The following WBP11 variants were observed in gnomAD, a reference collection of about 807,000 sequenced individuals.
The protein encoded by WBP11 is WW domain binding protein 11.
In WBP11, 12 loss-of-function variants were observed where a neutral mutation model predicts 66.7. That is an observed-to-expected ratio of 0.18 (90% CI 0.12 to 0.29). WBP11 has a LOEUF of 0.29. Ranked by LOEUF, WBP11 falls within the 10% of genes least tolerant of loss-of-function variation. The pLI is 1.00. For synonymous variants in WBP11, 255 were observed against 273.8 expected, an observed-to-expected ratio of 0.93 and a Z score of 0.68; for missense variants, 555 against 818.3, an observed-to-expected ratio of 0.68 and a Z score of 3.93.
rs1949756487 is a variant in WBP11, at chr12:14,786,549, CAAAT to C, written c.*512_*515del. On this transcript the variant is annotated 3_prime_UTR_variant, in exon 12 of 12. Coordinates refer to ENST00000261167, the MANE Select transcript of WBP11 (RefSeq NM_016312.3). ...TAGGTCAGTGGGAAATAATTTTAAT[CAAAT>C]AATTGTACATATTCTTCCCACATAT... is the stretch of plus-strand genomic sequence containing the variant. The C allele has an allele frequency of 1.3e-5, 2 of 152,434 alleles. No homozygotes were observed. Among genetic ancestry groups the C allele is most frequent in the South Asian group, 4.1e-4 (2 of 4,838 alleles). The allele number at this position is 152,434 out of a possible 1,614,324, so 9.4% of individuals were successfully genotyped here. A position where few individuals can be genotyped will look rare whatever the true frequency, so the allele number is the denominator to read the frequency against.
rs1421380018 is a variant in WBP11, at chr12:14,796,606, T to A, written c.387+201A>T. On this transcript the variant is annotated intron_variant, in intron 5 of 11. Coordinates refer to ENST00000261167, the MANE Select transcript of WBP11 (RefSeq NM_016312.3). This position sits in a 1 kb window ranked among gnomAD's most constrained non-coding sequence, Gnocchi z 4.5. Reference sequence around the variant, plus strand: ...TTTATAAAATTATCTTCAGGCTATGTGTATATGAAACATAAATTTCATGCT... The same window carrying A: ...TTTATAAAATTATCTTCAGGCTATGAGTATATGAAACATAAATTTCATGCT... Among the ~76,000 whole-genome samples the A allele has an allele frequency of 6.6e-6, 1 of 152,224 alleles. No homozygotes were observed. The highest frequency in any genetic ancestry group is 1.5e-5 in the Non-Finnish European group (1 of 68,042).
Position 14,789,201 on chromosome 12 carries a change from G to C in WBP11, c.1310-68C>G, listed in dbSNP as rs1332084346. 3 of 1,388,950 alleles carry C rather than the reference G, an allele frequency of 2.2e-6. No homozygotes were observed. In the East Asian group the frequency reaches 8.4e-5, roughly 39 times the overall value. The allele number at this position is 1,388,950 out of a possible 1,614,324, so 86.0% of individuals were successfully genotyped here. Reference sequence around the variant, plus strand: ...ACTAAGTAATAATTATGGCTTAAAAGTAACTCAAATATGGTTTGACTTTAA... The same window carrying C: ...ACTAAGTAATAATTATGGCTTAAAACTAACTCAAATATGGTTTGACTTTAA... On this transcript the variant is annotated intron_variant, in intron 10 of 11. Coordinates refer to ENST00000261167, the MANE Select transcript of WBP11 (RefSeq NM_016312.3).
rs753291613 is a variant in WBP11, at chr12:14,794,725, C to T, written c.533G>A (p.Arg178Gln). ...AAGAAGAGGAAGGATAGAAACTGCCCGAGTTGGAGGTCTGTTAAAAAAAAA... is the reference window on the plus strand; with the variant it reads ...AAGAAGAGGAAGGATAGAAACTGCCTGAGTTGGAGGTCTGTTAAAAAAAAA... ...KKTSAYGPPT[R>Q]AVSILPLLGH... The change falls in exon 7 of 12, where the codon CGG becomes CAG. Residue 178 changes from arginine to glutamine, a missense_variant. By Grantham distance (43) the Arg-to-Gln change is conservative. This residue lies in a region of WBP11 where 220 missense variants were observed against 268.2 expected (regional missense o/e 0.82). Coordinates refer to ENST00000261167, the MANE Select transcript of WBP11 (RefSeq NM_016312.3). 16 of 1,554,768 alleles carry T rather than the reference C, an allele frequency of 1.0e-5. No individual in the cohort carries two copies. The highest frequency in any genetic ancestry group is 1.4e-5 in the Non-Finnish European group (16 of 1,157,250).
intron 4 of WBP11, among the ~76,000 whole-genome samples, chr12:14,797,912 G>A (rs1235630540): frequency 6.6e-6 from 1 of 152,180 alleles, no homozygotes. Flanking sequence ...CAGATGGACA[G>A]TACTGATGAT....
At chr12:14,793,097 C>T (rs1949840751) in intron 8 of WBP11, among the ~76,000 whole-genome samples, 2 of 152,198 alleles carry the variant, frequency 1.3e-5, no homozygotes, top group Admixed American at 1.3e-4. Flanking sequence ...ATTAATATTA[C>T]ATAGTATTAT....
In WBP11 at chr12:14,787,145, C is replaced by T; in HGVS notation, c.1846G>A (p.Gly616Ser). The T allele has an allele frequency of 6.2e-7, 1 of 1,613,696 alleles. No homozygotes were observed. Among genetic ancestry groups the T allele is most frequent in the Non-Finnish European group, 8.5e-7 (1 of 1,179,982 alleles). Residue 616 changes from glycine to serine, a missense_variant, in exon 12 of 12, where the codon GGT (glycine) becomes AGT (serine). By Grantham distance (56) the Gly-to-Ser change is moderately conservative. Coordinates refer to ENST00000261167, the MANE Select transcript of WBP11 (RefSeq NM_016312.3). ...TGTACTGAGACAGGAACAGAAGGAC[C>T]AGATTTGGGTGCTGCTTTGGCAAGA... ...VPLAKAAPKSGPSVPVSVQTK... is the reference protein window; with the variant it reads ...VPLAKAAPKSSPSVPVSVQTK...
chr12:14,801,301 C>T lies in WBP11; in HGVS notation c.64+19G>A. On this transcript the variant is annotated intron_variant, in intron 2 of 11. Transcript: ENST00000261167. The stretch of plus-strand genomic sequence containing the variant: ...TTAACACTCTCCTACTTCATCATTC[C>T]ACACTAATGGACACTTACGGGCTTG... 4.3e-6 allele frequency: 7 copies of T among 1,610,144 alleles called. No homozygotes were observed. The highest frequency in any genetic ancestry group is 5.9e-6 in the Non-Finnish European group (7 of 1,177,640).
At chr12:14,787,574 T>C (rs1475702492) in intron 11 of WBP11, 76 bp from the exon 12 acceptor site, 15 of 1,310,312 alleles carry the variant, frequency 1.1e-5, no homozygotes, top group Non-Finnish European at 1.2e-5. Context: ...CATTTAAATA[T>C]TGGTTGCCAA....
At chr12:14,795,250 G>A in intron 5 of WBP11, 146 bp from the exon 6 acceptor site, 6 of 850,404 alleles carry the variant, frequency 7.1e-6, no homozygotes, top group South Asian at 2.2e-5. Flanking sequence ...ATAACCTTAC[G>A]TCAATACTTC....
Position 14,790,736 on chromosome 12 carries a change from A to G in WBP11, c.1029T>C (p.Pro343=). Residue 343 remains proline (P), a synonymous_variant, in exon 10 of 12, where the codon CCT becomes CCC. Coordinates refer to ENST00000261167, the MANE Select transcript of WBP11 (RefSeq NM_016312.3). ...ATTCCTCTACTTCCCGTCCCTCCTCAGGGATTTCTTGACCTGAAAGAAATT... is the reference window on the plus strand; with the variant it reads ...ATTCCTCTACTTCCCGTCCCTCCTCGGGGATTTCTTGACCTGAAAGAAATT... The part of the protein sequence containing the change: ...MMLRMAGQEI[P]EEGREVEEFS... 6.2e-7 allele frequency: 1 copy of G among 1,612,764 alleles called. No individual in the cohort carries two copies. The highest frequency in any genetic ancestry group is 8.5e-7 in the Non-Finnish European group (1 of 1,179,210).
At chr12:14,789,198 A>T in intron 10 of WBP11, 65 bp from the exon 11 acceptor site, 1 of 1,389,696 alleles carries the variant, frequency 7.2e-7, no homozygotes, top group Non-Finnish European at 9.5e-7. Context: ...TTATGGCTTA[A>T]AAGTAACTCA....
chr12:14,788,007 C>T (rs1485797118), intron 11 of WBP11, among the ~76,000 whole-genome samples: 3 of 152,088 alleles, frequency 2.0e-5, no homozygotes, highest in South Asian at 2.1e-4. Flanking sequence ...GAGGCTGAGG[C>T]GGGTGGATCA....
At chr12:14,788,303 G>T (rs1161281013) in intron 11 of WBP11, among the ~76,000 whole-genome samples, 1 of 152,120 alleles carries the variant, frequency 6.6e-6, no homozygotes, top group Admixed American at 6.5e-5. Flanking sequence ...CATCATTACT[G>T]GAAAAGAACT....
intron 4 of WBP11, among the ~76,000 whole-genome samples, chr12:14,797,504 C>T (rs929473933): frequency 6.6e-6 from 1 of 152,146 alleles, no homozygotes; most frequent in Non-Finnish European, 1.5e-5. Context: ...ATAACAGATC[C>T]GTATTCCTGG....
At chr12:14,800,339 T>C (rs2137241991) in intron 3 of WBP11, among the ~76,000 whole-genome samples, 1 of 151,974 alleles carries the variant, frequency 6.6e-6, no homozygotes, top group East Asian at 1.9e-4. Context: ...AATATATCTA[T>C]AAATATTATA....
intron 4 of WBP11, 167 bp downstream of exon 4, chr12:14,799,468 C>T: frequency 3.7e-6 from 2 of 539,728 alleles, no homozygotes; most frequent in Non-Finnish European, 6.1e-6. Flanking sequence ...CTCCAGTTTG[C>T]AACAGCCCTC....
At chr12:14,794,016 G>C in intron 7 of WBP11, 94 bp from the exon 8 acceptor site, 39 of 563,742 alleles carry the variant, frequency 6.9e-5, no homozygotes, top group South Asian at 1.1e-4. Context: ...ATTCAACTCA[G>C]ACTGTAACAA....
intron 5 of WBP11, among the ~76,000 whole-genome samples, chr12:14,795,935 A>AT (rs1293100770): frequency 6.8e-5 from 10 of 147,022 alleles, no homozygotes; most frequent in Non-Finnish European, 1.3e-4. Flanking sequence ...ATAGCATTTG[A>AT]TTTTTTCCCA....
At chr12:14,794,090 C>A (rs1949859200) in intron 7 of WBP11, among the ~76,000 whole-genome samples, 168 bp from the exon 8 acceptor site, 1 of 146,908 alleles carries the variant, frequency 6.8e-6, no homozygotes. Flanking sequence ...TACAGTCTAA[C>A]AAAATTTTCC....
Sources: gnomAD v4.1 joint callset for allele counts (sites outside exome capture counted in the v4.1 genomes callset) on GRCh38, gnomAD v4.1.1 for gene constraint, gnomAD v4.1.1 regional missense constraint, Gnocchi (gnomAD v3.1) non-coding constraint, MANE v1.5 for transcripts, NCBI Gene and HGNC (gene_info 2026-07-23, HGNC 2026-07-21) for gene names.